The following MYRIP variants were observed in gnomAD, a reference collection of about 807,000 sequenced individuals.
The protein encoded by MYRIP is rab effector MyRIP.
Under a neutral mutation model 98.0 loss-of-function variants are expected in MYRIP, and 49 were observed. The ratio of observed to expected loss-of-function variants is 0.50; its 90% CI spans 0.40 to 0.63. The LOEUF (loss-of-function observed/expected upper bound fraction) is 0.63. MYRIP is among the 30% of genes least tolerant of loss of function. The probability of loss-of-function intolerance (pLI) is 0.00; values close to 1 mark genes in which losing one functional copy is unlikely to be tolerated. For synonymous variants in MYRIP, 404 were observed against 409.5 expected (o/e 0.99, Z 0.16); for missense variants, 1,004 against 1,058.2 (o/e 0.95, Z 0.71).
At chr3:40,104,620 A>G (rs1332345462) in intron 3 of MYRIP, among the ~76,000 whole-genome samples, 4 of 152,178 alleles carry the variant, frequency 2.6e-5, no homozygotes, top group Non-Finnish European at 5.9e-5. Context: ...TTCTCTGTCA[A>G]CATTCTCATC....
chr3:40,020,680 A>G (rs1946971333), intron 2 of MYRIP, among the ~76,000 whole-genome samples: 1 of 152,236 alleles, frequency 6.6e-6, no homozygotes, highest in Non-Finnish European at 1.5e-5. Context: ...GCACCCAGGA[A>G]GAACTGTACG....
chr3:40,112,282 AAAGG>A (rs1949174382), intron 3 of MYRIP, among the ~76,000 whole-genome samples: 1 of 152,102 alleles, frequency 6.6e-6, no homozygotes, highest in African/African-American at 2.4e-5. Context: ...GAAGAAGAGC[AAAGG>A]GAGGGAAAGA....
In MYRIP at chr3:40,112,703, C is replaced by A. The variant is rs373034663; in HGVS notation, c.333-38345C>A. ...GCCCTCCCAGGTCCAAACTTTTGTG[C>A]CTCCATAAGGATTTTTCATCCAGTA... On this transcript the variant is annotated intron_variant, in intron 3 of 16. Coordinates refer to ENST00000302541, the MANE Select transcript of MYRIP (RefSeq NM_015460.4). 1.1e-4 allele frequency among the ~76,000 whole-genome samples: 16 copies of A among 152,198 alleles called. No homozygotes were observed. The East Asian group carries it at 3.1e-3, about 29-fold the overall frequency.
At chr3:40,091,004 G>A (rs116177756) in intron 3 of MYRIP, among the ~76,000 whole-genome samples, 2,107 of 152,302 alleles carry the variant, frequency 0.014, 25 homozygotes, top group Non-Finnish European at 0.024. Flanking sequence ...TTCCAGGCAA[G>A]CGAGCACATG....
intron 3 of MYRIP, among the ~76,000 whole-genome samples, chr3:40,114,871 T>A (rs1949238904): frequency 1.3e-5 from 2 of 152,186 alleles, no homozygotes; most frequent in Non-Finnish European, 2.9e-5. Context: ...TTTGAGCTAA[T>A]CATTTAATTT....
At chr3:40,165,932 T>G (rs992901390) in intron 5 of MYRIP, among the ~76,000 whole-genome samples, 6 of 152,212 alleles carry the variant, frequency 3.9e-5, no homozygotes, top group Non-Finnish European at 1.5e-5. Flanking sequence ...TTCAAATCTT[T>G]GCCTTCTTAT....
At chr3:40,079,624 G>T (rs192291244) in intron 3 of MYRIP, among the ~76,000 whole-genome samples, 8 of 152,302 alleles carry the variant, frequency 5.3e-5, no homozygotes, top group Non-Finnish European at 1.2e-4. Context: ...TTCCCTAGGT[G>T]CATTCTTTTT....
chr3:39,991,467 T>G (rs9851674), intron 2 of MYRIP, among the ~76,000 whole-genome samples: 13,523 of 152,244 alleles, frequency 0.089, 1,435 homozygotes, highest in African/African-American at 0.25. Flanking sequence ...TGGACATAGA[T>G]TCTTTCTCTA....
At chr3:40,131,991 T>C (rs1323830301) in intron 3 of MYRIP, among the ~76,000 whole-genome samples, 2 of 152,186 alleles carry the variant, frequency 1.3e-5, no homozygotes, top group African/African-American at 4.8e-5. Context: ...AAGACTTCTT[T>C]TGAAGTAGCT....
intron 1 of MYRIP, among the ~76,000 whole-genome samples, chr3:39,854,466 A>G (rs1484109421): frequency 3.9e-5 from 6 of 151,942 alleles, no homozygotes. Context: ...GTATTTTTCC[A>G]AGTCTTTCAT....
At chr3:39,894,822 G>C (rs1010765719) in intron 1 of MYRIP, among the ~76,000 whole-genome samples, 2 of 152,274 alleles carry the variant, frequency 1.3e-5, no homozygotes, top group Middle Eastern at 6.8e-3. Context: ...TTTTCTTGAA[G>C]AAGATTCTTA....
chr3:40,090,433 A>T (rs1017638381), intron 3 of MYRIP, among the ~76,000 whole-genome samples: 2 of 152,184 alleles, frequency 1.3e-5, no homozygotes, highest in African/African-American at 4.8e-5. Flanking sequence ...GCATATGACA[A>T]GTGACCATCT....
chr3:40,034,142 T>C (rs370488434), intron 2 of MYRIP, among the ~76,000 whole-genome samples: 54,216 of 150,322 alleles, frequency 0.36, 9,849 homozygotes, highest in Non-Finnish European at 0.39. Flanking sequence ...TAGGCATTAC[T>C]ATTCAGGACA....
intron 2 of MYRIP, among the ~76,000 whole-genome samples, chr3:39,992,600 C>T (rs761421511): frequency 1.3e-5 from 2 of 152,192 alleles, no homozygotes; most frequent in Non-Finnish European, 2.9e-5. Flanking sequence ...GCCTTGTAGC[C>T]AGTCCCTCTC....
At chr3:39,997,281 C>G (rs964575700) in intron 2 of MYRIP, among the ~76,000 whole-genome samples, 2 of 151,580 alleles carry the variant, frequency 1.3e-5, no homozygotes, top group Non-Finnish European at 2.9e-5. Context: ...ATTGATAGAC[C>G]CCTAGCAAGA....
chr3:40,086,713 G>C (rs528519541), intron 3 of MYRIP, among the ~76,000 whole-genome samples: 10 of 152,290 alleles, frequency 6.6e-5, no homozygotes, highest in Admixed American at 6.5e-4. Flanking sequence ...CTATGCATCA[G>C]AGATAATGCT....
chr3:40,228,293 CAT>C (rs886568065), intron 11 of MYRIP, among the ~76,000 whole-genome samples: 2 of 152,170 alleles, frequency 1.3e-5, no homozygotes, highest in African/African-American at 2.4e-5. Context: ...CTCCATAAAA[CAT>C]ATTTAAAAAT....
chr3:39,969,495 C>T (rs1168559007), intron 2 of MYRIP, among the ~76,000 whole-genome samples: 1 of 152,062 alleles, frequency 6.6e-6, no homozygotes, highest in African/African-American at 2.4e-5. Context: ...AGGTATGTTC[C>T]TTCAATAAGT....
At chr3:40,101,561 G>C (rs78172593) in intron 3 of MYRIP, among the ~76,000 whole-genome samples, 2 of 151,954 alleles carry the variant, frequency 1.3e-5, no homozygotes, top group Admixed American at 6.6e-5. Flanking sequence ...AGACCTCTCA[G>C]ATTAATTCTC....
Sources: allele counts gnomAD v4.1 joint callset (sites outside exome capture counted in the v4.1 genomes callset), GRCh38; gene constraint gnomAD v4.1.1; transcripts MANE v1.5; gene names NCBI Gene and HGNC (gene_info 2026-07-23, HGNC 2026-07-21).